The following TMCO4 variants were observed in gnomAD, a reference collection of about 807,000 sequenced individuals.
TMCO4 encodes the protein transmembrane and coiled-coil domain-containing protein 4.
In TMCO4, 58 loss-of-function variants were observed where a neutral mutation model predicts 64.7. That is an observed-to-expected ratio of 0.90 (90% confidence interval 0.73 to 1.12). The LOEUF (loss-of-function observed/expected upper bound fraction) is 1.12, where lower values mean the gene tolerates loss of function less well. TMCO4 is among the 50% of genes most tolerant of loss of function. The pLI is 0.00. For synonymous variants in TMCO4, 325 were observed against 346.1 expected (o/e 0.94, Z 0.68); for missense variants, 780 against 825.9 (o/e 0.94, Z 0.68).
At chr1:19,735,881 T>C (rs536869314) in intron 13 of TMCO4, among the ~76,000 whole-genome samples, 1 of 152,006 alleles carries the variant, frequency 6.6e-6, no homozygotes, top group Non-Finnish European at 1.5e-5. Flanking sequence ...AGAAGCAAAA[T>C]GATGACAGCA....
In TMCO4 at chr1:19,700,836, C is replaced by T. The variant is rs1407855457; in HGVS notation, c.1314G>A (p.Glu438=). The T allele has an allele frequency of 4.3e-6, 7 of 1,614,138 alleles. No individual in the cohort carries two copies. Among genetic ancestry groups the T allele is most frequent in the African/African-American group, 1.3e-5 (1 of 74,956 alleles). ...EDVILLGAPV[E]GEAKHWEPFR... Reference sequence around the variant, plus strand: ...AAGGCTCCCAATGCTTGGCTTCTCCCTCCACAGGCGCACCCAGCAGGATGA... The same window carrying T: ...AAGGCTCCCAATGCTTGGCTTCTCCTTCCACAGGCGCACCCAGCAGGATGA... Residue 438 remains glutamate, a synonymous_variant, in exon 14 of 16, where the codon GAG becomes GAA. Coordinates refer to ENST00000294543, the MANE Select transcript of TMCO4 (RefSeq NM_181719.7).
In TMCO4 at chr1:19,682,584, G is replaced by A. The variant is rs2100488833; in HGVS notation, c.*456C>T. 1 of 715,884 alleles carries A rather than the reference G, an allele frequency of 1.4e-6. No homozygotes were observed. The highest frequency in any genetic ancestry group is 2.0e-5 in the Admixed American group (1 of 49,992). 44.3% of individuals were successfully genotyped at this position (715,884 alleles called of 1,614,324 possible). ...CAGTTGATGGTGCCTGTCAGCTGGT[G>A]GGCAGCCCTGGAGTGTGGATGGAAG... On this transcript the variant is annotated 3_prime_UTR_variant, in exon 16 of 16. Coordinates refer to ENST00000294543, the MANE Select transcript of TMCO4 (RefSeq NM_181719.7).
At chr1:19,710,800 T>G (rs2095327296) in intron 13 of TMCO4, among the ~76,000 whole-genome samples, 1 of 152,248 alleles carries the variant, frequency 6.6e-6, no homozygotes, top group African/African-American at 2.4e-5. Flanking sequence ...TTTCAGATTT[T>G]GTTGATTCAA....
chr1:19,755,881 G>T lies in TMCO4; in HGVS notation c.383-115C>A, dbSNP rs1010029017. On this transcript the variant is annotated intron_variant, in intron 6 of 15. Transcript: ENST00000294543. The stretch of plus-strand genomic sequence containing the variant: ...AAACAGCCTAAATGTACAACCCCAT[G>T]GGAGCCAGTCAATGAAAAAAATGAC... The T allele has an allele frequency of 4.1e-6, 5 of 1,205,038 alleles. No homozygotes were observed. In the African/African-American group the frequency reaches 6.1e-5, roughly 15 times the overall value. The allele number at this position is 1,205,038 out of a possible 1,614,324, so 74.6% of individuals were successfully genotyped here.
At chr1:19,716,288 G>A (rs898252247) in intron 13 of TMCO4, among the ~76,000 whole-genome samples, 2 of 150,190 alleles carry the variant, frequency 1.3e-5, no homozygotes, top group Non-Finnish European at 3.0e-5. Context: ...GGGTTCAAGC[G>A]ATTCTCCTGC....
chr1:19,793,778 T>A (rs552803103), intron 2 of TMCO4, among the ~76,000 whole-genome samples: 1 of 152,318 alleles, frequency 6.6e-6, no homozygotes, highest in Admixed American at 6.5e-5. Flanking sequence ...CCAGGCCCTG[T>A]GATGTGTGCC....
intron 6 of TMCO4, 74 bp from the exon 7 acceptor site, chr1:19,755,840 A>C: frequency 6.4e-7 from 1 of 1,573,916 alleles, no homozygotes; most frequent in Non-Finnish European, 8.7e-7. Context: ...AGTGTAACTG[A>C]TAAAACCCAC....
intron 13 of TMCO4, among the ~76,000 whole-genome samples, chr1:19,705,793 A>G (rs2095300128): frequency 7.4e-6 from 1 of 134,998 alleles, no homozygotes; most frequent in African/African-American, 3.4e-5. Flanking sequence ...GCTGGAAAGG[A>G]AAAAAAAAAA....
At chr1:19,789,796 T>A (rs2101121357) in intron 2 of TMCO4, among the ~76,000 whole-genome samples, 1 of 152,172 alleles carries the variant, frequency 6.6e-6, no homozygotes, top group South Asian at 2.1e-4. Context: ...CTCATGCCTA[T>A]AATCCCAGCA....
At chr1:19,726,767 G>A (rs1427905812) in intron 13 of TMCO4, among the ~76,000 whole-genome samples, 3 of 152,174 alleles carry the variant, frequency 2.0e-5, no homozygotes, top group African/African-American at 7.2e-5. Flanking sequence ...AGAGGAGGAG[G>A]AGGATGAAGA....
At chr1:19,745,374 TGA>T in intron 10 of TMCO4, 156 bp downstream of exon 10, 1 of 1,119,342 alleles carries the variant, frequency 8.9e-7, no homozygotes, top group Non-Finnish European at 1.3e-6. Context: ...TGGACAGATG[TGA>T]GATGAAGTTG....
At chr1:19,744,509 C>T (rs1345813607) in intron 10 of TMCO4, among the ~76,000 whole-genome samples, 5 of 152,134 alleles carry the variant, frequency 3.3e-5, no homozygotes, top group African/African-American at 1.2e-4. Flanking sequence ...ACTGATCTCT[C>T]ACTCACATGC....
chr1:19,729,867 C>G lies in TMCO4; in HGVS notation c.1264+7505G>C, dbSNP rs12402310. Among the ~76,000 whole-genome samples, 11 of 152,050 alleles carry G rather than the reference C, an allele frequency of 7.2e-5. No homozygotes were observed. In the South Asian group the frequency reaches 1.9e-3, roughly 26 times the overall value. On this transcript the variant is annotated intron_variant, in intron 13 of 15. Transcript: ENST00000294543. ...TTGAGGTGATAGATACCCCATTTTC[C>G]GTGATGTGATTATTATGCATTGCAT...
chr1:19,698,978 C>T (rs1204322643), intron 14 of TMCO4, among the ~76,000 whole-genome samples: 2 of 152,146 alleles, frequency 1.3e-5, no homozygotes, highest in Non-Finnish European at 2.9e-5. Flanking sequence ...GGGTGGATCA[C>T]GAGGTCAGGA....
chr1:19,796,496 T>C (rs1409558548), intron 2 of TMCO4, among the ~76,000 whole-genome samples: 2 of 152,092 alleles, frequency 1.3e-5, no homozygotes, highest in East Asian at 3.9e-4. Flanking sequence ...TCGCAATTAA[T>C]ATTTTCGTTA....
chr1:19,771,531 T>A, intron 4 of TMCO4, 49 bp from the exon 5 acceptor site: 2 of 1,584,468 alleles, frequency 1.3e-6, no homozygotes, highest in Non-Finnish European at 1.7e-6. Context: ...GAGCTCAGCC[T>A]CCACTGGGCA....
At chr1:19,749,792 A>T (rs1226836627) in intron 7 of TMCO4, among the ~76,000 whole-genome samples, 1 of 152,252 alleles carries the variant, frequency 6.6e-6, no homozygotes, top group Admixed American at 6.5e-5. Context: ...GTACAATGTG[A>T]ATTCAAGCTA....
At chr1:19,700,997 C>G in intron 13 of TMCO4, 112 bp from the exon 14 acceptor site, 1 of 797,304 alleles carries the variant, frequency 1.3e-6, no homozygotes, top group Admixed American at 2.4e-5. Context: ...CATGCACACA[C>G]GTGAACGTGG....
At chr1:19,737,589 C>A in intron 12 of TMCO4, 133 bp from the exon 13 acceptor site, 1 of 702,258 alleles carries the variant, frequency 1.4e-6, no homozygotes, top group East Asian at 2.8e-5. Context: ...ATGTGCTGTT[C>A]CGGTCCCTGA....
Sources: allele counts gnomAD v4.1 joint callset (sites outside exome capture counted in the v4.1 genomes callset), GRCh38; gene constraint gnomAD v4.1.1; transcripts MANE v1.5; gene names NCBI Gene and HGNC (gene_info 2026-07-23, HGNC 2026-07-21).